Variants in CACNA1C observed in about 807,000 individuals in gnomAD.
The protein encoded by CACNA1C is voltage-dependent L-type calcium channel subunit alpha-1C.
In CACNA1C, 30 loss-of-function variants were observed where a neutral mutation model predicts 229.0. The ratio of observed to expected loss-of-function variants is 0.13; its 90% CI spans 0.10 to 0.18. The LOEUF (loss-of-function observed/expected upper bound fraction) is 0.18, where lower values mean the gene tolerates loss of function less well. Ranked by LOEUF, CACNA1C falls within the 10% of genes least tolerant of loss-of-function variation. CACNA1C has a pLI of 1.00. For missense variants in CACNA1C, 1,658 were observed against 2,845.0 expected (o/e 0.58, Z 9.49); for synonymous variants, 1,114 against 1,132.5 (o/e 0.98, Z 0.33).
upstream of CACNA1C, chr12:1,970,845 GA>G (rs1247662344): frequency 3.5e-6 from 1 of 288,410 alleles, no homozygotes; most frequent in Non-Finnish European, 6.8e-6. Context: ...AATCAAGTAA[GA>G]AGGTGTTTTG....
At chr12:2,120,103 C>T (rs1477254846) in intron 2 of CACNA1C, among the ~76,000 whole-genome samples, 3 of 152,204 alleles carry the variant, frequency 2.0e-5, no homozygotes, top group Admixed American at 6.5e-5. Context: ...CTCTGGCACG[C>T]GACTGGCCTC....
rs113692440 is a variant in CACNA1C at position 2,181,092 on chromosome 12, G to A, written c.477+60662G>A. 6.3e-3 allele frequency among the ~76,000 whole-genome samples: 966 copies of A among 152,236 alleles called. 9 individuals carry two copies. The highest frequency in any genetic ancestry group is 0.035 in the South Asian group (168 of 4,828). ...TATCAGACTCAAATGTTTTCTTCTGGGGGGTTACAGTCTGGGGAAGACCCC... is the reference window on the plus strand; with the variant it reads ...TATCAGACTCAAATGTTTTCTTCTGAGGGGTTACAGTCTGGGGAAGACCCC... On this transcript the variant is annotated intron_variant, in intron 3 of 46. Coordinates refer to ENST00000399655, the MANE Select transcript of CACNA1C (RefSeq NM_000719.7). This position sits in a 1 kb window ranked among gnomAD's most constrained non-coding sequence, Gnocchi z 4.0.
At chr12:2,082,728 G>A (rs760588456) in intron 1 of CACNA1C, among the ~76,000 whole-genome samples, 4 of 152,212 alleles carry the variant, frequency 2.6e-5, no homozygotes, top group Non-Finnish European at 4.4e-5. Context: ...GGGTTGCTAA[G>A]CTACACTGGA....
chr12:2,329,592 C>T (rs1399312139), intron 3 of CACNA1C, among the ~76,000 whole-genome samples: 1 of 152,292 alleles, frequency 6.6e-6, no homozygotes, highest in East Asian at 1.9e-4. Context: ...TTCCAGTCTA[C>T]CCCCCAAAAA....
chr12:2,109,153 C>T lies in CACNA1C; in HGVS notation c.50-6071C>T, dbSNP rs192058861. Among the ~76,000 whole-genome samples the T allele has an allele frequency of 1.7e-3, 263 of 152,338 alleles. 3 individuals are homozygous for T. Among genetic ancestry groups the T allele is most frequent in the Middle Eastern group, 0.014 (4 of 294 alleles). On this transcript the variant is annotated intron_variant, in intron 1 of 46. Transcript: ENST00000399655. Reference sequence around the variant, plus strand: ...CCTGCTTTTGTGCTCACAGAAGGCACCAAGGCCAAGCAGGGTGACTGCTGC... The same window carrying T: ...CCTGCTTTTGTGCTCACAGAAGGCATCAAGGCCAAGCAGGGTGACTGCTGC...
intron 1 of CACNA1C, among the ~76,000 whole-genome samples, chr12:2,005,133 C>T (rs2043151639): frequency 6.8e-6 from 1 of 146,664 alleles, no homozygotes. Context: ...AATCTGCACT[C>T]TCAGTTACAA....
rs958064863 is a variant in CACNA1C, at chr12:2,694,200, A to C, written c.*3001A>C. ...TCCACTAGAATAAGACTGGCGTATG[A>C]TGCCTGTCATCAGAACAGACTGGCA... On this transcript the variant is annotated 3_prime_UTR_variant, in exon 47 of 47. Transcript: ENST00000399655. 2 of 152,254 alleles carry C rather than the reference A, an allele frequency of 1.3e-5. No individual in the cohort carries two copies. The highest frequency in any genetic ancestry group is 4.8e-5 in the African/African-American group (2 of 41,462). The allele number at this position is 152,254 out of a possible 1,614,324, so 9.4% of individuals were successfully genotyped here.
At chr12:2,570,347 C>G (rs1016893664) in intron 13 of CACNA1C, among the ~76,000 whole-genome samples, 5 of 152,100 alleles carry the variant, frequency 3.3e-5, no homozygotes, top group African/African-American at 1.2e-4. Flanking sequence ...CTAGGTGTTG[C>G]TCTTCTCGTC....
At chr12:2,000,676 T>A (rs977895023) in intron 1 of CACNA1C, among the ~76,000 whole-genome samples, 1 of 152,196 alleles carries the variant, frequency 6.6e-6, no homozygotes, top group Non-Finnish European at 1.5e-5. Context: ...GGACCTGTAG[T>A]GGGGTTCTTG....
intron 13 of CACNA1C, among the ~76,000 whole-genome samples, chr12:2,574,623 A>G (rs920963111): frequency 1.3e-5 from 2 of 152,164 alleles, no homozygotes; most frequent in African/African-American, 4.8e-5. Flanking sequence ...TCCAGGTGAG[A>G]GCCGTTAGCA....
chr12:2,419,093 A>G (rs1414145567), intron 3 of CACNA1C, among the ~76,000 whole-genome samples: 1 of 152,194 alleles, frequency 6.6e-6, no homozygotes, highest in Non-Finnish European at 1.5e-5. Flanking sequence ...CCTTCCTGCA[A>G]CCCTAGGCCT....
chr12:2,115,522 C>G lies in CACNA1C; in HGVS notation c.348C>G (p.Ala116=). 6.2e-7 allele frequency: 1 copy of G among 1,613,466 alleles called. No homozygotes were observed. The highest frequency in any genetic ancestry group is 8.5e-7 in the Non-Finnish European group (1 of 1,179,890). The change falls in exon 2 of 47, where the codon GCC becomes GCG. Residue 116 remains alanine (A), a synonymous_variant. Transcript: ENST00000399655. Reference sequence around the variant, plus strand: ...CCCTGAAGAACCCCATCCGGAGGGCCTGCATCAGCATTGTCGAATGGAAAT... The same window carrying G: ...CCCTGAAGAACCCCATCCGGAGGGCGTGCATCAGCATTGTCGAATGGAAAT... The part of the protein sequence containing the change: ...CLTLKNPIRR[A]CISIVEWKPF...
At chr12:2,598,835 G>A (rs1324799218) in intron 21 of CACNA1C, among the ~76,000 whole-genome samples, 2 of 152,214 alleles carry the variant, frequency 1.3e-5, no homozygotes, top group Admixed American at 6.5e-5. Flanking sequence ...TGCCATCCCT[G>A]GTTCCTGCTA....
rs1438996004 is a variant in CACNA1C at position 2,467,988 on chromosome 12, C to T, written c.757+10282C>T. Among the ~76,000 whole-genome samples the T allele has an allele frequency of 6.6e-6, 1 of 152,178 alleles. No individual in the cohort carries two copies. Among genetic ancestry groups the T allele is most frequent in the Admixed American group, 6.5e-5 (1 of 15,278 alleles). Reference sequence around the variant, plus strand: ...TGCAGCCCTGTGAGCTCCCAGCATCCGAGACCTCTTGGAGAGGGACCCTGT... The same window carrying T: ...TGCAGCCCTGTGAGCTCCCAGCATCTGAGACCTCTTGGAGAGGGACCCTGT... On this transcript the variant is annotated intron_variant, in intron 5 of 46. Transcript: ENST00000399655. The surrounding 1 kb of genome is among the most constrained non-coding windows in gnomAD (Gnocchi z 4.6).
At position 2,653,736 on chromosome 12, in the gene CACNA1C, G is replaced by A. The variant is rs933965375; in HGVS notation, c.4075-99G>A. On this transcript the variant is annotated intron_variant, in intron 32 of 46. Transcript: ENST00000399655. This position sits in a 1 kb window ranked among gnomAD's most constrained non-coding sequence, Gnocchi z 4.7. Reference sequence around the variant, plus strand: ...GTCCCCCGGCCCAAACCGGGCAATAGCTGATGGCTGCAGAGACAGGGATGC... The same window carrying A: ...GTCCCCCGGCCCAAACCGGGCAATAACTGATGGCTGCAGAGACAGGGATGC... The A allele has an allele frequency of 9.4e-5, 96 of 1,019,322 alleles. No homozygotes were observed. Among genetic ancestry groups the A allele is most frequent in the Non-Finnish European group, 1.3e-4 (87 of 658,624 alleles). The allele number at this position is 1,019,322 out of a possible 1,614,324, so 63.1% of individuals were successfully genotyped here. A position where few individuals can be genotyped will look rare whatever the true frequency, so the allele number is the denominator to read the frequency against.
intron 3 of CACNA1C, among the ~76,000 whole-genome samples, chr12:2,294,506 G>A (rs1056027024): frequency 6.6e-5 from 10 of 152,154 alleles, no homozygotes; most frequent in African/African-American, 1.9e-4. Flanking sequence ...GAGAGTGAGG[G>A]GCGGGGGAGG....
intron 1 of CACNA1C, among the ~76,000 whole-genome samples, chr12:1,983,450 A>C (rs182187545): frequency 1.8e-4 from 27 of 152,104 alleles, no homozygotes; most frequent in African/African-American, 6.3e-4. Context: ...ATTCAGTTCA[A>C]ATGTTCTCTA....
intron 3 of CACNA1C, among the ~76,000 whole-genome samples, chr12:2,400,896 G>A (rs1017347100): frequency 6.6e-6 from 1 of 152,134 alleles, no homozygotes; most frequent in Non-Finnish European, 1.5e-5. Flanking sequence ...AAATATACTT[G>A]ATGCTTCAGT....
At chr12:2,385,644 G>A (rs937806633) in intron 3 of CACNA1C, among the ~76,000 whole-genome samples, 1 of 152,206 alleles carries the variant, frequency 6.6e-6, no homozygotes, top group African/African-American at 2.4e-5. Context: ...CTCTGTGGCT[G>A]CCTCACCCAT....
Sources: allele counts gnomAD v4.1 joint callset (sites outside exome capture counted in the v4.1 genomes callset), GRCh38; gene constraint gnomAD v4.1.1; non-coding constraint Gnocchi (gnomAD v3.1); transcripts MANE v1.5; gene names NCBI Gene and HGNC (gene_info 2026-07-23, HGNC 2026-07-21).